The following ZNF536 variants were observed in gnomAD, a reference collection of about 807,000 sequenced individuals.
ZNF536 encodes the protein zinc finger protein 536.
Under a neutral mutation model 84.5 loss-of-function variants are expected in ZNF536, and 13 were observed. That is an observed-to-expected ratio of 0.15 (90% confidence interval 0.10 to 0.24). The LOEUF is 0.24. Ranked by LOEUF, ZNF536 falls within the 10% of genes least tolerant of loss-of-function variation. The probability of loss-of-function intolerance (pLI) is 1.00; values close to 1 mark genes in which losing one functional copy is unlikely to be tolerated. For synonymous variants in ZNF536, 811 were observed against 742.5 expected (o/e 1.09, Z -1.50); for missense variants, 1,536 against 1,747.5 (o/e 0.88, Z 2.16).
intron 2 of ZNF536, among the ~76,000 whole-genome samples, chr19:30,350,815 G>A (rs1190558715): frequency 6.6e-6 from 1 of 152,202 alleles, no homozygotes; most frequent in Admixed American, 6.5e-5. Flanking sequence ...CAGCTTGCTA[G>A]ACCTGAAAGC....
chr19:30,658,539 TCACACA>T (rs144517985), intron 1 of ZNF536, among the ~76,000 whole-genome samples: 3,076 of 149,230 alleles, frequency 0.021, 100 homozygotes, highest in African/African-American at 0.071. Context: ...CCTCTCTCTG[TCACACA>T]CACACACACA....
At chr19:30,600,660 T>G (rs1429790094) in intron 1 of ZNF536, among the ~76,000 whole-genome samples, 1 of 152,164 alleles carries the variant, frequency 6.6e-6, no homozygotes, top group Non-Finnish European at 1.5e-5. Flanking sequence ...GAGGAGGACA[T>G]AGCCTGGCCA....
intron 2 of ZNF536, among the ~76,000 whole-genome samples, chr19:30,453,014 C>T (rs1335571576): frequency 6.6e-6 from 1 of 152,022 alleles, no homozygotes; most frequent in African/African-American, 2.4e-5. Flanking sequence ...GGACTCTGAT[C>T]TCCCCAGGAA....
intron 3 of ZNF536, among the ~76,000 whole-genome samples, chr19:30,358,448 G>T (rs553269808): frequency 6.6e-6 from 1 of 152,322 alleles, no homozygotes; most frequent in Non-Finnish European, 1.5e-5. Flanking sequence ...TGGGTGGTGG[G>T]GTTTGTGTCT....
rs62101879 is a variant in ZNF536, at chr19:30,293,989, C to T, written c.-120+9848C>T. ...TTAAAGATGAAGTTTGGGTCTTGAC[C>T]TGGTGTTGGTCTCTGCCTGCCTGGT... On this transcript the variant is annotated intron_variant, in intron 2 of 5. Transcript: ENST00000585628. Among the ~76,000 whole-genome samples, 950 of 152,130 alleles carry T rather than the reference C, an allele frequency of 6.2e-3. 9 individuals carry two copies. The highest frequency in any genetic ancestry group is 0.011 in the Non-Finnish European group (734 of 67,988).
At chr19:30,667,741 T>C (rs533784442) in intron 1 of ZNF536, among the ~76,000 whole-genome samples, 13 of 151,094 alleles carry the variant, frequency 8.6e-5, no homozygotes, top group African/African-American at 2.7e-4. Context: ...GTCTTGGATA[T>C]AGAGTACATG....
chr19:30,645,822 A>T (rs1390856504), intron 1 of ZNF536, among the ~76,000 whole-genome samples: 2 of 152,194 alleles, frequency 1.3e-5, no homozygotes, highest in African/African-American at 2.4e-5. Context: ...CCATCTAGAC[A>T]CATATGTTCT....
intron 1 of ZNF536, among the ~76,000 whole-genome samples, chr19:30,402,375 T>C (rs1484327583): frequency 1.3e-5 from 2 of 152,158 alleles, no homozygotes; most frequent in Non-Finnish European, 2.9e-5. Flanking sequence ...TTCTCTTGAA[T>C]GGGTTATTTT....
chr19:30,477,855 A>G (rs1371441572), intron 2 of ZNF536, among the ~76,000 whole-genome samples: 1 of 152,216 alleles, frequency 6.6e-6, no homozygotes, highest in Non-Finnish European at 1.5e-5. Flanking sequence ...GGGATCCTCT[A>G]TTGTTATAAG....
intron 2 of ZNF536, among the ~76,000 whole-genome samples, chr19:30,484,653 G>A (rs1009065524): frequency 2.8e-4 from 41 of 148,570 alleles, no homozygotes; most frequent in African/African-American, 2.8e-4. Context: ...AGCAAGTAGC[G>A]CACTTTCTTT....
At chr19:30,239,788 G>A (rs12983955) in intron 1 of ZNF536, among the ~76,000 whole-genome samples, 23,546 of 151,954 alleles carry the variant, frequency 0.15, 1,993 homozygotes, top group East Asian at 0.24. Flanking sequence ...TCCCTACCCC[G>A]CATCTCATTC....
chr19:30,225,649 C>T (rs2022571590), upstream of ZNF536, among the ~76,000 whole-genome samples: 1 of 150,394 alleles, frequency 6.6e-6, no homozygotes, highest in Non-Finnish European at 1.5e-5. Context: ...TTGCTCCTGA[C>T]GCCCGCGTTT....
chr19:30,629,299 A>G (rs2048802048), intron 1 of ZNF536, among the ~76,000 whole-genome samples: 2 of 152,144 alleles, frequency 1.3e-5, no homozygotes, highest in Non-Finnish European at 2.9e-5. Flanking sequence ...CCTCGGGTTC[A>G]GGTAATCCTC....
At chr19:30,556,488 G>A (rs1385587769) in intron 4 of ZNF536, 3 of 152,256 alleles carry the variant, frequency 2.0e-5, no homozygotes, top group Non-Finnish European at 2.9e-5. Flanking sequence ...ATATTCCAAA[G>A]GCATTCTTCT....
rs532623901 is a variant in ZNF536 at position 30,598,704 on chromosome 19, T to C, written c.169+49190T>C. Among the ~76,000 whole-genome samples, 7 of 152,288 alleles carry C rather than the reference T, an allele frequency of 4.6e-5. No individual in the cohort carries two copies. The South Asian group carries it at 1.5e-3, about 32-fold the overall frequency. ...TTTTACCCCATGGAACATTATTTTCTATGATTCATTGTGAAAAACCAACAG... is the reference window on the plus strand; with the variant it reads ...TTTTACCCCATGGAACATTATTTTCCATGATTCATTGTGAAAAACCAACAG... On this transcript the variant is annotated intron_variant, in intron 1 of 1. Transcript: ENST00000592773.
intron 1 of ZNF536, among the ~76,000 whole-genome samples, chr19:30,234,773 A>AG (rs1555771477): frequency 6.7e-6 from 1 of 149,884 alleles, no homozygotes; most frequent in African/African-American, 2.4e-5. Flanking sequence ...ACACACACAC[A>AG]CGCGCACACG....
intron 1 of ZNF536, among the ~76,000 whole-genome samples, chr19:30,651,184 G>A (rs1324565355): frequency 6.6e-6 from 1 of 152,070 alleles, no homozygotes; most frequent in Non-Finnish European, 1.5e-5. Context: ...GAGGGCGGGC[G>A]CCCACCTTCA....
intron 2 of ZNF536, among the ~76,000 whole-genome samples, chr19:30,333,296 A>G (rs1442819198): frequency 6.6e-6 from 1 of 152,180 alleles, no homozygotes; most frequent in Non-Finnish European, 1.5e-5. Context: ...TCTCTGAAGG[A>G]CTGTGGATCC....
intron 2 of ZNF536, among the ~76,000 whole-genome samples, chr19:30,336,957 G>A (rs956401763): frequency 5.3e-5 from 8 of 152,130 alleles, no homozygotes; most frequent in Non-Finnish European, 1.5e-5. Context: ...GGCAATTTTT[G>A]TATCATCTGG....
Sources: allele counts gnomAD v4.1 joint callset (sites outside exome capture counted in the v4.1 genomes callset), GRCh38; gene constraint gnomAD v4.1.1; transcripts MANE v1.5; gene names NCBI Gene and HGNC (gene_info 2026-07-23, HGNC 2026-07-21).